RTTN: variants seen among roughly 807,000 people sequenced by gnomAD.
The protein encoded by RTTN is rotatin.
In RTTN, 182 loss-of-function variants were observed where a neutral mutation model predicts 269.2. That is an observed-to-expected ratio of 0.68 (90% CI 0.60 to 0.76). The LOEUF (loss-of-function observed/expected upper bound fraction) is 0.76. Ranked by LOEUF, RTTN falls within the 30% of genes least tolerant of loss-of-function variation. RTTN has a pLI of 0.00. For synonymous variants in RTTN, 1,006 were observed against 963.5 expected (o/e 1.04, Z -0.82); for missense variants, 2,545 against 2,608.6 (o/e 0.98, Z 0.53).
intron 35 of RTTN, 55 bp from the exon 36 acceptor site, chr18:70,060,097 A>C (rs1424508803): frequency 7.4e-7 from 1 of 1,343,158 alleles, no homozygotes; most frequent in Non-Finnish European, 1.0e-6. Context: ...TATGTACAAT[A>C]CTCAAAAGTT....
intron 46 of RTTN, among the ~76,000 whole-genome samples, chr18:70,016,240 C>T (rs2056533454): frequency 6.6e-6 from 1 of 152,112 alleles, no homozygotes; most frequent in Admixed American, 6.6e-5. Flanking sequence ...CATTTTCGTA[C>T]ACTTAGAAAA....
At chr18:70,033,589 AT>A (rs761611740) in intron 40 of RTTN, among the ~76,000 whole-genome samples, 3 of 152,218 alleles carry the variant, frequency 2.0e-5, no homozygotes, top group Non-Finnish European at 4.4e-5. Context: ...TAACAGGAAA[AT>A]TTTGAGCGCT....
intron 4 of RTTN, among the ~76,000 whole-genome samples, chr18:70,200,466 T>C (rs1164950247): frequency 6.6e-6 from 1 of 152,164 alleles, no homozygotes; most frequent in Non-Finnish European, 1.5e-5. Flanking sequence ...ACCCTAGAGA[T>C]TCCCCCTCCC....
chr18:70,143,600 T>TG (rs1407631716), intron 18 of RTTN, among the ~76,000 whole-genome samples: 1 of 151,330 alleles, frequency 6.6e-6, no homozygotes, highest in East Asian at 1.9e-4. Context: ...TGCCTGAGGG[T>TG]GGGGGGTAGG....
In RTTN at chr18:70,109,634, T is replaced by G; in HGVS notation, c.3767A>C (p.His1256Pro). 6.2e-7 allele frequency: 1 copy of G among 1,613,834 alleles called. No individual in the cohort carries two copies. The highest frequency in any genetic ancestry group is 8.5e-7 in the Non-Finnish European group (1 of 1,179,974). The change falls in exon 28 of 49, where the codon CAT (histidine) becomes CCT (proline). Residue 1256 changes from histidine (H) to proline (P), a missense_variant. Coordinates refer to ENST00000640769, the MANE Select transcript of RTTN (RefSeq NM_173630.4). ...LQCLKVTDAP[H>P]FYGLPSLERT... ...CTCAAGGGACGGCAGGCCATAGAAA[T>G]GAGGCGCATCCGTCACTTTCAGACA...
intron 21 of RTTN, among the ~76,000 whole-genome samples, chr18:70,136,379 T>C (rs1046411350): frequency 6.6e-6 from 1 of 150,880 alleles, no homozygotes; most frequent in Non-Finnish European, 1.5e-5. Flanking sequence ...AAGTTCTATA[T>C]GTTTCCATAA....
chr18:70,028,466 C>A (rs1287149278), intron 43 of RTTN, among the ~76,000 whole-genome samples: 1 of 152,078 alleles, frequency 6.6e-6, no homozygotes, highest in Non-Finnish European at 1.5e-5. Context: ...GCCATTCATT[C>A]CATATGTAAA....
chr18:70,134,489 C>A lies in RTTN; in HGVS notation c.2938G>T (p.Val980Phe). ...ATCCTTTACCTTCTAAAAACGGAAA[C>A]AGGCAAACTGAAGACCGATGGCAAA... is the stretch of plus-strand genomic sequence containing the variant. ...PSLPSVFSLP[V>F]SVFRRYHLPV... Residue 980 changes from valine (V) to phenylalanine (F), a missense_variant, in exon 23 of 49, where the codon GTT becomes TTT. Val to Phe is a conservative substitution (Grantham distance 50). Coordinates refer to ENST00000640769, the MANE Select transcript of RTTN (RefSeq NM_173630.4). The A allele has an allele frequency of 6.2e-7, 1 of 1,609,002 alleles. No homozygotes were observed. Among genetic ancestry groups the A allele is most frequent in the South Asian group, 1.1e-5 (1 of 90,410 alleles).
intron 46 of RTTN, among the ~76,000 whole-genome samples, chr18:70,012,014 G>A (rs1199652357): frequency 2.1e-5 from 3 of 146,050 alleles, no homozygotes; most frequent in East Asian, 2.1e-4. Context: ...CACTGGTATT[G>A]GTTACAGGGC....
At chr18:70,163,307 G>A (rs185872539) in intron 14 of RTTN, among the ~76,000 whole-genome samples, 46 of 151,876 alleles carry the variant, frequency 3.0e-4, no homozygotes, top group African/African-American at 9.9e-4. Flanking sequence ...ACTTGAACCC[G>A]GGAGGCAGAG....
intron 27 of RTTN, among the ~76,000 whole-genome samples, chr18:70,112,554 T>C (rs1174325576): frequency 8.2e-6 from 1 of 122,188 alleles, no homozygotes; most frequent in African/African-American, 3.0e-5. Flanking sequence ...CCAACAAAGA[T>C]CAAAAGAGAA....
In RTTN at chr18:70,128,410, G is replaced by A. The variant is rs1281266880; in HGVS notation, c.3091C>T (p.His1031Tyr). Residue 1031 changes from histidine to tyrosine, a missense_variant, in exon 24 of 49, where the codon CAT (histidine) becomes TAT (tyrosine). By Grantham distance (83) the His-to-Tyr change is moderately conservative. Transcript: ENST00000640769. ...TGCTTCAACAGATTATCACTCCCAT[G>A]ATACCATGACAGGTTCCAAGCTATT... The part of the protein sequence containing the change: ...LRIAWNLSWY[H>Y]GSDNLLKQMN... The A allele has an allele frequency of 1.2e-6, 2 of 1,613,188 alleles. No individual in the cohort carries two copies. Among genetic ancestry groups the A allele is most frequent in the East Asian group, 4.5e-5 (2 of 44,834 alleles).
At position 70,128,215 on chromosome 18, in the gene RTTN, A is replaced by G. The variant is rs909963386; in HGVS notation, c.3143+143T>C. The G allele has an allele frequency of 4.8e-6, 3 of 631,248 alleles. No homozygotes were observed. The African/African-American group carries it at 5.5e-5, about 12-fold the overall frequency. The allele number at this position is 631,248 out of a possible 1,614,324, so 39.1% of individuals were successfully genotyped here. On this transcript the variant is annotated intron_variant, in intron 24 of 48. Transcript: ENST00000640769. ...AATAAACACATGTAATATTTAAAAG[A>G]AAGTAAAAATTATAACTGTTAAAAA...
intron 12 of RTTN, 121 bp from the exon 13 acceptor site, chr18:70,167,152 G>C (rs1485304314): frequency 9.4e-6 from 6 of 640,448 alleles, no homozygotes; most frequent in Non-Finnish European, 1.6e-5. Flanking sequence ...GTTTACATTT[G>C]TTTAAGTCCA....
chr18:70,106,489 A>G (rs2059324777), intron 28 of RTTN, among the ~76,000 whole-genome samples: 1 of 152,232 alleles, frequency 6.6e-6, no homozygotes, highest in South Asian at 2.1e-4. Flanking sequence ...GGTTTACTAA[A>G]TGAAGGTAAA....
intron 10 of RTTN, among the ~76,000 whole-genome samples, chr18:70,182,081 A>G (rs2061432929): frequency 6.6e-6 from 1 of 152,196 alleles, no homozygotes; most frequent in South Asian, 2.1e-4. Context: ...AAAATCTTCA[A>G]TATGTGAAAA....
At chr18:70,067,523 T>A (rs2058175701) in intron 34 of RTTN, among the ~76,000 whole-genome samples, 1 of 152,218 alleles carries the variant, frequency 6.6e-6, no homozygotes, top group Admixed American at 6.5e-5. Flanking sequence ...TGAAAAAATG[T>A]TCCTGTCAAC....
intron 10 of RTTN, among the ~76,000 whole-genome samples, chr18:70,184,340 G>T (rs970123809): frequency 5.3e-5 from 8 of 152,026 alleles, no homozygotes; most frequent in African/African-American, 1.9e-4. Flanking sequence ...GATCACCTGA[G>T]GTCAGGAGTT....
intron 34 of RTTN, among the ~76,000 whole-genome samples, chr18:70,070,337 A>G (rs2058261625): frequency 1.3e-5 from 2 of 152,250 alleles, no homozygotes; most frequent in Admixed American, 1.3e-4. Context: ...ACAGAGTATA[A>G]CATTTTCTTT....
Sources: allele counts gnomAD v4.1 joint callset (sites outside exome capture counted in the v4.1 genomes callset), GRCh38; gene constraint gnomAD v4.1.1; transcripts MANE v1.5; gene names NCBI Gene and HGNC (gene_info 2026-07-23, HGNC 2026-07-21).